The following DOCK8 variants were observed in gnomAD, a reference collection of about 807,000 sequenced individuals.
DOCK8 encodes dedicator of cytokinesis protein 8.
A neutral mutation model predicts 245.6 loss-of-function variants in DOCK8; 141 were observed. The ratio of observed to expected loss-of-function variants is 0.57; its 90% CI spans 0.50 to 0.66. The LOEUF (loss-of-function observed/expected upper bound fraction) is 0.66. DOCK8 is among the 30% of genes least tolerant of loss of function. The pLI is 0.00. For missense variants in DOCK8, 2,965 were observed against 2,603.4 expected (o/e 1.14, Z -3.02); for synonymous variants, 1,168 against 970.2 (o/e 1.20, Z -3.79).
intron 9 of DOCK8, among the ~76,000 whole-genome samples, chr9:331,169 G>A (rs114918059): frequency 8.5e-5 from 13 of 152,270 alleles, no homozygotes; most frequent in African/African-American, 3.1e-4. Flanking sequence ...AGTGTTTATC[G>A]CCACCTTATC....
At chr9:306,404 C>G (rs114330454) in intron 5 of DOCK8, among the ~76,000 whole-genome samples, 34 of 152,254 alleles carry the variant, frequency 2.2e-4, no homozygotes, top group African/African-American at 7.7e-4. Flanking sequence ...TGACTGAATT[C>G]CATTTTCACC....
chr9:213,581 GC>G (rs1209599412), upstream of DOCK8: 4 of 152,152 alleles, frequency 2.6e-5, no homozygotes, highest in Non-Finnish European at 5.9e-5. Context: ...GATGTTTTCT[GC>G]GCTGTCTTTA....
At chr9:398,644 T>C (rs939534029) in intron 25 of DOCK8, among the ~76,000 whole-genome samples, 1 of 152,182 alleles carries the variant, frequency 6.6e-6, no homozygotes, top group Non-Finnish European at 1.5e-5. Flanking sequence ...GACTCTGACC[T>C]CTCTTAGGCT....
chr9:407,542 A>G (rs2055492136), intron 28 of DOCK8, among the ~76,000 whole-genome samples: 1 of 152,194 alleles, frequency 6.6e-6, no homozygotes, highest in African/African-American at 2.4e-5. Flanking sequence ...AAGAGACACC[A>G]CACATCCAGG....
rs754374567 is a variant in DOCK8 at position 328,184 on chromosome 9, G to T, written c.1044+13G>T. 2.5e-6 allele frequency: 4 copies of T among 1,610,140 alleles called. No homozygotes were observed. The highest frequency in any genetic ancestry group is 3.4e-6 in the Non-Finnish European group (4 of 1,177,886). ...CCTGGTAGTCAAGGTAATTCAGTAC[G>T]ATCTGATTTGCCCAATCTGATGTTT... On this transcript the variant is annotated intron_variant, in intron 9 of 47. Transcript: ENST00000432829.
At position 439,350 on chromosome 9, in the gene DOCK8, G is replaced by T. The variant is rs775028020; in HGVS notation, c.5185G>T (p.Val1729Leu). ...CCAGTACTTCACCGAGAGTGGCCTG[G>T]TAGGCCTCCTGGAGCAGGCCGCGGA... ...AGQYFTESGL[V>L]GLLEQAAELF... The change falls in exon 40 of 48, where the codon GTA (valine) becomes TTA (leucine). Residue 1729 changes from valine to leucine, a missense_variant. By Grantham distance (32) the Val-to-Leu change is conservative. Around this residue, in one of 3 missense-constraint regions of DOCK8, gnomAD observed 2,825 missense variants for 2,453.5 expected, o/e 1.15. Coordinates refer to ENST00000432829, the MANE Select transcript of DOCK8 (RefSeq NM_203447.4). 1.9e-6 allele frequency: 3 copies of T among 1,614,090 alleles called. No individual in the cohort carries two copies. The highest frequency in any genetic ancestry group is 2.5e-6 in the Non-Finnish European group (3 of 1,180,038).
chr9:300,787 A>G (rs75985109), intron 4 of DOCK8, among the ~76,000 whole-genome samples: 2,339 of 152,260 alleles, frequency 0.015, 56 homozygotes, highest in African/African-American at 0.05. Context: ...GCCCCCTAAA[A>G]TTGAAGCAGG....
At chr9:304,005 C>T (rs917584848) in intron 4 of DOCK8, among the ~76,000 whole-genome samples, 15 of 152,196 alleles carry the variant, frequency 9.9e-5, no homozygotes, top group Non-Finnish European at 1.8e-4. Flanking sequence ...TCTTCAGTGA[C>T]AGGGCTAGAC....
rs369705735 is a variant in DOCK8 at position 224,965 on chromosome 9, A to G, written c.53+9936A>G. Among the ~76,000 whole-genome samples, 26 of 152,292 alleles carry G rather than the reference A, an allele frequency of 1.7e-4. 1 individual carries two copies. In the East Asian group the frequency reaches 3.5e-3, roughly 20 times the overall value. On this transcript the variant is annotated intron_variant, in intron 1 of 47. Coordinates refer to ENST00000432829, the MANE Select transcript of DOCK8 (RefSeq NM_203447.4). The stretch of plus-strand genomic sequence containing the variant: ...ACCTGTTGACATGCTGGCTGGTTTA[A>G]TATCTTACTCTTTCATTCCAAATAA...
rs965398133 is a variant in DOCK8 at position 429,850 on chromosome 9, C to A, written c.4622C>A (p.Thr1541Asn). 2 of 1,613,984 alleles carry A rather than the reference C, an allele frequency of 1.2e-6. No homozygotes were observed. The highest frequency in any genetic ancestry group is 8.5e-7 in the Non-Finnish European group (1 of 1,179,986). Residue 1541 changes from threonine to asparagine, a missense_variant, in exon 36 of 48, where the codon ACC (threonine) becomes AAC (asparagine). Transcript: ENST00000432829. ...YLLMRFSFGA[T>N]SNFARVKMQV... Reference sequence around the variant, plus strand: ...CTCATGAGGTTCAGTTTTGGAGCCACCAGTGTAAGAGTTCAAACCAGCTGA... The same window carrying A: ...CTCATGAGGTTCAGTTTTGGAGCCAACAGTGTAAGAGTTCAAACCAGCTGA...
chr9:281,378 A>C (rs2048578200), intron 2 of DOCK8, among the ~76,000 whole-genome samples: 1 of 152,222 alleles, frequency 6.6e-6, no homozygotes, highest in South Asian at 2.1e-4. Context: ...ATGTTCATTT[A>C]AACTAGTCTT....
chr9:234,276 T>A (rs907555957), intron 1 of DOCK8, among the ~76,000 whole-genome samples: 1 of 152,250 alleles, frequency 6.6e-6, no homozygotes, highest in Admixed American at 6.5e-5. Context: ...GCTCTTAGTC[T>A]GATAGGCTTC....
At chr9:390,696 C>T in intron 24 of DOCK8, 130 bp downstream of exon 24, 1 of 796,930 alleles carries the variant, frequency 1.3e-6, no homozygotes, top group South Asian at 1.4e-5. Flanking sequence ...ATCTAATAAT[C>T]TCTCACCCCT....
intron 7 of DOCK8, among the ~76,000 whole-genome samples, chr9:323,468 G>A (rs149357265): frequency 0.011 from 1,653 of 152,098 alleles, 21 homozygotes; most frequent in Non-Finnish European, 0.018. Flanking sequence ...TGATCCGCTT[G>A]CCTCGGCCTC....
At position 306,952 on chromosome 9, in the gene DOCK8, C is replaced by T. The variant is rs572932211; in HGVS notation, c.528+2248C>T. On this transcript the variant is annotated intron_variant, in intron 5 of 47. Transcript: ENST00000432829. ...AAACCTCATGAAGCCTGGACTCACG[C>T]CTCACAGGAGGAGAAATTGCCCGGC... 2.0e-5 allele frequency among the ~76,000 whole-genome samples: 3 copies of T among 152,250 alleles called. No individual in the cohort carries two copies. In the East Asian group the frequency reaches 5.8e-4, roughly 29 times the overall value.
intron 14 of DOCK8, among the ~76,000 whole-genome samples, chr9:356,093 A>G (rs2052428574): frequency 6.6e-6 from 1 of 152,220 alleles, no homozygotes; most frequent in Non-Finnish European, 1.5e-5. Context: ...ACCACAAGAC[A>G]AATAAGAAAA....
chr9:370,456 A>T (rs571467914), intron 16 of DOCK8, among the ~76,000 whole-genome samples, 156 bp downstream of exon 16: 6 of 152,234 alleles, frequency 3.9e-5, no homozygotes, highest in Non-Finnish European at 7.3e-5. Flanking sequence ...TGTGTTGAAG[A>T]TGTATAACTT....
chr9:341,164 AG>A (rs1321293243), intron 14 of DOCK8, among the ~76,000 whole-genome samples: 2 of 152,206 alleles, frequency 1.3e-5, no homozygotes, highest in Non-Finnish European at 2.9e-5. Context: ...AGTGCAATGG[AG>A]GAACTGAAAA....
At chr9:230,821 G>T (rs1260854512) in intron 1 of DOCK8, among the ~76,000 whole-genome samples, 3 of 151,972 alleles carry the variant, frequency 2.0e-5, no homozygotes, top group South Asian at 2.1e-4. Flanking sequence ...AGATGAGTAG[G>T]TTGCAAAAAT....
Sources: gnomAD v4.1 joint callset for allele counts (sites outside exome capture counted in the v4.1 genomes callset) on GRCh38, gnomAD v4.1.1 for gene constraint, gnomAD v4.1.1 regional missense constraint, MANE v1.5 for transcripts, NCBI Gene and HGNC (gene_info 2026-07-23, HGNC 2026-07-21) for gene names.